Variants in MAP3K1 observed in about 807,000 individuals in gnomAD.
MAP3K1 encodes mitogen-activated protein kinase kinase kinase 1, also known as MAP/ERK kinase kinase 1.
Under a neutral mutation model 144.2 loss-of-function variants are expected in MAP3K1, and 36 were observed. The observed-to-expected ratio is 0.25, with a 90% confidence interval of 0.19 to 0.33. The LOEUF is 0.33. Among genes scored for constraint, MAP3K1 ranks in the 10% least tolerant of loss-of-function variants. The pLI, the probability that MAP3K1 is intolerant of heterozygous loss-of-function variation, is 1.00. For synonymous variants in MAP3K1, 718 were observed against 688.7 expected (o/e 1.04, Z -0.67); for missense variants, 1,650 against 1,881.9 (o/e 0.88, Z 2.28).
At chr5:56,819,030 TAA>T (rs1176978110) in intron 1 of MAP3K1, among the ~76,000 whole-genome samples, 1 of 149,432 alleles carries the variant, frequency 6.7e-6, no homozygotes, top group East Asian at 2.2e-4. Flanking sequence ...GGTAGTCACA[TAA>T]GTTAGTCTTC....
chr5:56,831,954 T>TA (rs1746506788), intron 1 of MAP3K1, among the ~76,000 whole-genome samples: 1 of 152,218 alleles, frequency 6.6e-6, no homozygotes, highest in Non-Finnish European at 1.5e-5. Flanking sequence ...TTGCCAGGTG[T>TA]CTTTAGTGGA....
chr5:56,836,819 G>C (rs1331201494), intron 1 of MAP3K1, among the ~76,000 whole-genome samples: 1 of 152,130 alleles, frequency 6.6e-6, no homozygotes, highest in Non-Finnish European at 1.5e-5. Flanking sequence ...TGTCATCCTA[G>C]TAATGCTTAC....
rs1748677602 is a variant in MAP3K1 at position 56,895,493 on chromosome 5, G to A, written c.*1813G>A. On this transcript the variant is annotated 3_prime_UTR_variant, in exon 20 of 20. Coordinates refer to ENST00000399503, the MANE Select transcript of MAP3K1 (RefSeq NM_005921.2). ...TGTACTGGAAGATCATTGGTCAGAT[G>A]AATACTGTGTCTGACAAAAATGTAA... 1 of 230,414 alleles carries A rather than the reference G, an allele frequency of 4.3e-6. No individual in the cohort carries two copies. Among genetic ancestry groups the A allele is most frequent in the African/African-American group, 2.2e-5 (1 of 45,040 alleles). 14.3% of individuals were successfully genotyped at this position (230,414 alleles called of 1,614,324 possible).
intron 6 of MAP3K1, among the ~76,000 whole-genome samples, chr5:56,869,165 G>A (rs1327249840): frequency 6.6e-6 from 1 of 152,114 alleles, no homozygotes; most frequent in Non-Finnish European, 1.5e-5. Context: ...CAGCTACTCA[G>A]GAGGCTGAGG....
At chr5:56,847,325 G>A (rs1475361503) in intron 1 of MAP3K1, among the ~76,000 whole-genome samples, 1 of 152,240 alleles carries the variant, frequency 6.6e-6, no homozygotes, top group African/African-American at 2.4e-5. Context: ...GGTCGGGCGT[G>A]GTGGCTCATG....
At chr5:56,824,597 A>G (rs569888024) in intron 1 of MAP3K1, among the ~76,000 whole-genome samples, 1 of 152,352 alleles carries the variant, frequency 6.6e-6, no homozygotes, top group South Asian at 2.1e-4. Flanking sequence ...AGCCTCTGCC[A>G]TTTAAAAATA....
chr5:56,842,306 G>A, intron 1 of MAP3K1: 1 of 152,192 alleles, frequency 6.6e-6, no homozygotes, highest in East Asian at 1.9e-4. Flanking sequence ...AGTGGAGGAG[G>A]ACAGGACTTT....
intron 1 of MAP3K1, among the ~76,000 whole-genome samples, chr5:56,824,521 G>C (rs1031437627): frequency 1.3e-5 from 2 of 152,218 alleles, no homozygotes; most frequent in African/African-American, 4.8e-5. Context: ...GAGAGAGGGA[G>C]AATAGGACTC....
At chr5:56,826,458 A>C (rs1244101755) in intron 1 of MAP3K1, among the ~76,000 whole-genome samples, 1 of 150,816 alleles carries the variant, frequency 6.6e-6, no homozygotes, top group Non-Finnish European at 1.5e-5. Flanking sequence ...AGATTTTCTT[A>C]TTTTGTGTTA....
chr5:56,890,587 A>C (rs1318024345), intron 19 of MAP3K1, among the ~76,000 whole-genome samples: 1 of 152,204 alleles, frequency 6.6e-6, no homozygotes. Context: ...GAATTTACTC[A>C]AGATTACCTC....
chr5:56,883,529 A>G lies in MAP3K1; in HGVS notation c.3669A>G (p.Thr1223=). ...GATTGCTTTCGTTTAATATGTAGAC[A>G]CCAGAGACTCTACCAGGACATACCA... The part of the protein sequence containing the change: ...GEDIIIIQQD[T]PETLPGHTKA... Residue 1223 remains threonine (T), a splice_region_variant and synonymous_variant, in exon 15 of 20, where the codon ACA becomes ACG. Transcript: ENST00000399503. The G allele has an allele frequency of 6.2e-7, 1 of 1,613,912 alleles. No homozygotes were observed. Among genetic ancestry groups the G allele is most frequent in the East Asian group, 2.2e-5 (1 of 44,846 alleles).
chr5:56,818,698 C>A (rs1009836171), intron 1 of MAP3K1, among the ~76,000 whole-genome samples: 1 of 152,068 alleles, frequency 6.6e-6, no homozygotes, highest in Non-Finnish European at 1.5e-5. Flanking sequence ...CAGTGTTACT[C>A]TCCATTGAAC....
At position 56,815,840 on chromosome 5, in the gene MAP3K1, T is replaced by G; in HGVS notation, c.267T>G (p.Thr89=). The G allele has an allele frequency of 7.1e-7, 1 of 1,406,632 alleles. No homozygotes were observed. The highest frequency in any genetic ancestry group is 9.3e-7 in the Non-Finnish European group (1 of 1,075,890). 87.1% of individuals were successfully genotyped at this position (1,406,632 alleles called of 1,614,324 possible). ...CCGCCTCACCGCCGGCCTCCTCGACTTCCCCGTCGCCGGAGCCCGCGGACG... is the reference window on the plus strand; with the variant it reads ...CCGCCTCACCGCCGGCCTCCTCGACGTCCCCGTCGCCGGAGCCCGCGGACG... ...FLAASPPASS[T]SPSPEPADAA... is the part of the protein sequence containing the mutation. Residue 89 remains threonine (T), a synonymous_variant, in exon 1 of 20, where the codon ACT becomes ACG. Coordinates refer to ENST00000399503, the MANE Select transcript of MAP3K1 (RefSeq NM_005921.2).
At chr5:56,839,652 G>C (rs77129143) in intron 1 of MAP3K1, among the ~76,000 whole-genome samples, 1 of 152,126 alleles carries the variant, frequency 6.6e-6, no homozygotes, top group African/African-American at 2.4e-5. Flanking sequence ...TATGGAGTTT[G>C]CATACTCCCC....
At chr5:56,862,151 C>G (rs1040228678) in intron 3 of MAP3K1, 2 of 152,144 alleles carry the variant, frequency 1.3e-5, no homozygotes, top group East Asian at 3.8e-4. Flanking sequence ...ATGAAAGGTC[C>G]AAGACTGCTT....
intron 12 of MAP3K1, 48 bp downstream of exon 12, chr5:56,880,850 C>T: frequency 1.4e-6 from 2 of 1,453,536 alleles, no homozygotes; most frequent in South Asian, 1.2e-5. Context: ...TATCATGTTC[C>T]TGAGCAGCCT....
rs1747625936 is a variant in MAP3K1, at chr5:56,864,791, C to T, written c.892C>T (p.Pro298Ser). The T allele has an allele frequency of 6.2e-7, 1 of 1,613,978 alleles. No homozygotes were observed. The highest frequency in any genetic ancestry group is 8.5e-7 in the Non-Finnish European group (1 of 1,180,024). ...RRAPSPDGFS[P>S]YSPEETNRRV... is the part of the protein sequence containing the mutation. ...AGCCCCTTCACCAGATGGCTTCTCA[C>T]CATATAGCCCTGAGGAAACAAACCG... Residue 298 changes from proline to serine, a missense_variant, in exon 4 of 20, where the codon CCA becomes TCA. This residue lies in a region of MAP3K1 where 148 missense variants were observed against 177.2 expected (regional missense o/e 0.84). Coordinates refer to ENST00000399503, the MANE Select transcript of MAP3K1 (RefSeq NM_005921.2).
intron 6 of MAP3K1, among the ~76,000 whole-genome samples, chr5:56,869,651 T>C (rs933303012): frequency 1.3e-5 from 2 of 152,328 alleles, no homozygotes; most frequent in Admixed American, 1.3e-4. Context: ...GGTATTCTTT[T>C]TGTTGTCAGA....
chr5:56,845,602 A>G (rs1034710170), intron 1 of MAP3K1, among the ~76,000 whole-genome samples: 1 of 151,446 alleles, frequency 6.6e-6, no homozygotes, highest in East Asian at 1.9e-4. Flanking sequence ...GCAAGGGGGG[A>G]TTCTTAAAAG....
Sources: gnomAD v4.1 joint callset for allele counts (sites outside exome capture counted in the v4.1 genomes callset) on GRCh38, gnomAD v4.1.1 for gene constraint, gnomAD v4.1.1 regional missense constraint, MANE v1.5 for transcripts, NCBI Gene and HGNC (gene_info 2026-07-23, HGNC 2026-07-21) for gene names.